Variants in AURKA observed in about 807,000 individuals in gnomAD.
The protein encoded by AURKA is aurora kinase A, also known as aurora 2.
AURKA carries 12 observed loss-of-function variants against 40.9 expected under a neutral mutation model. That is an observed-to-expected ratio of 0.29 (90% CI 0.19 to 0.48). The LOEUF (loss-of-function observed/expected upper bound fraction) is 0.48, where lower values mean the gene tolerates loss of function less well. Among genes scored for constraint, AURKA ranks in the 20% least tolerant of loss-of-function variants. The pLI is 0.99. For synonymous variants in AURKA, 170 were observed against 164.3 expected, an observed-to-expected ratio of 1.03 and a Z score of -0.26; for missense variants, 322 against 462.1, an observed-to-expected ratio of 0.70 and a Z score of 2.78.
chr20:56,388,418 C>T (rs1986647304), intron 1 of AURKA: 7 of 594,396 alleles, frequency 1.2e-5, no homozygotes, highest in Admixed American at 2.9e-5. Flanking sequence ...TCCTCTGTCA[C>T]GGAGTCTTCA....
rs1266324570 is a variant in AURKA at position 56,372,044 on chromosome 20, G to GT, written c.854+1363dup. 1.3e-4 allele frequency among the ~76,000 whole-genome samples: 20 copies of GT among 152,288 alleles called. 2 individuals are homozygous for GT. The highest frequency in any genetic ancestry group is 1.0e-3 in the Admixed American group (16 of 15,296). The stretch of plus-strand genomic sequence containing the variant: ...CAATTCCGCATTTTTATCGGTTTAG[G>GT]TTTTTTTAACGAAGGTTGGAAAAAA... On this transcript the variant is annotated intron_variant, in intron 7 of 8. Transcript: ENST00000395915.
intron 3 of AURKA, among the ~76,000 whole-genome samples, chr20:56,384,547 C>T (rs544457771): frequency 6.6e-6 from 1 of 151,774 alleles, no homozygotes; most frequent in Non-Finnish European, 1.5e-5. Flanking sequence ...GATGAGCAGA[C>T]GTATATATAG....
chr20:56,369,571 G>A lies in AURKA; in HGVS notation c.*587C>T, dbSNP rs1041953129. 2.0e-5 allele frequency: 5 copies of A among 254,122 alleles called. No individual in the cohort carries two copies. Among genetic ancestry groups the A allele is most frequent in the South Asian group, 1.2e-4 (1 of 8,156 alleles). The allele number at this position is 254,122 out of a possible 1,614,324, so 15.7% of individuals were successfully genotyped here. Reference sequence around the variant, plus strand: ...TCACACTCTCATATGGGAGATAAGTGGTTAAGGAGGACTAGAAACCCAATC... The same window carrying A: ...TCACACTCTCATATGGGAGATAAGTAGTTAAGGAGGACTAGAAACCCAATC... On this transcript the variant is annotated 3_prime_UTR_variant, in exon 9 of 9. Coordinates refer to ENST00000395915, the MANE Select transcript of AURKA (RefSeq NM_198437.3).
Position 56,373,301 on chromosome 20 carries a change from AC to A in AURKA, c.854+106del. ...CAAAGTACTTCTGGGTTAGCCACCT[AC>A]CCCTCTTACAGCACAAAATCTACAC... is the stretch of plus-strand genomic sequence containing the variant. On this transcript the variant is annotated intron_variant, in intron 7 of 8. Transcript: ENST00000395915. The surrounding 1 kb of genome is among the most constrained non-coding windows in gnomAD (Gnocchi z 5.0). The A allele has an allele frequency of 6.7e-7, 1 of 1,501,684 alleles. No individual in the cohort carries two copies. The highest frequency in any genetic ancestry group is 1.1e-5 in the South Asian group (1 of 87,934). 93.0% of individuals were successfully genotyped at this position (1,501,684 alleles called of 1,614,324 possible). A position where few individuals can be genotyped will look rare whatever the true frequency, so the allele number is the denominator to read the frequency against.
intron 6 of AURKA, among the ~76,000 whole-genome samples, chr20:56,380,497 G>A (rs572305032): frequency 5.7e-4 from 86 of 152,020 alleles, no homozygotes; most frequent in Middle Eastern, 6.8e-3. Context: ...ATAAATAAAT[G>A]ATTAAATAAA....
At position 56,386,245 on chromosome 20, in the gene AURKA, A is replaced by G; in HGVS notation, c.319+12T>C. 3 of 1,614,204 alleles carry G rather than the reference A, an allele frequency of 1.9e-6. No individual in the cohort carries two copies. The highest frequency in any genetic ancestry group is 2.5e-6 in the Non-Finnish European group (3 of 1,180,032). The stretch of plus-strand genomic sequence containing the variant: ...AGAAGGACTATCCAATGAGTCTCAA[A>G]AGCTAGTTTACCAGGTGCCGATGGC... On this transcript the variant is annotated intron_variant, in intron 3 of 8. Coordinates refer to ENST00000395915, the MANE Select transcript of AURKA (RefSeq NM_198437.3).
Position 56,388,808 on chromosome 20 carries a change from G to A in AURKA, c.-5-606C>T, listed in dbSNP as rs118032021. The A allele has an allele frequency of 5.8e-3, 900 of 153,868 alleles. 4 individuals are homozygous for A. The highest frequency in any genetic ancestry group is 9.1e-3 in the Non-Finnish European group (630 of 69,092). The allele number at this position is 153,868 out of a possible 1,614,324, so 9.5% of individuals were successfully genotyped here. On this transcript the variant is annotated intron_variant, in intron 1 of 8. Coordinates refer to ENST00000395915, the MANE Select transcript of AURKA (RefSeq NM_198437.3). ...GCCTATGGGAAAAGAGCGAGACTTC[G>A]TCTCAAAACAATAAAATAAAATAAA...
chr20:56,374,090 A>G (rs1266246545), intron 6 of AURKA, among the ~76,000 whole-genome samples: 1 of 152,128 alleles, frequency 6.6e-6, no homozygotes, highest in Non-Finnish European at 1.5e-5. Context: ...ATGAAGTGAA[A>G]TTACCCAATG....
chr20:56,383,534 C>T (rs928627925), intron 4 of AURKA, among the ~76,000 whole-genome samples: 2 of 152,220 alleles, frequency 1.3e-5, no homozygotes, highest in African/African-American at 4.8e-5. Flanking sequence ...GCTTCCAGAC[C>T]ATCTGGGGGC....
chr20:56,382,910 G>T, intron 5 of AURKA, 75 bp downstream of exon 5: 1 of 1,536,210 alleles, frequency 6.5e-7, no homozygotes, highest in Non-Finnish European at 9.0e-7. Flanking sequence ...CTGGGCAGTG[G>T]GAGGCTGACA....
At chr20:56,382,953 A>G in intron 5 of AURKA, 32 bp downstream of exon 5, 1 of 1,611,076 alleles carries the variant, frequency 6.2e-7, no homozygotes. Flanking sequence ...GCATTGGTGA[A>G]CATTCTTTTG....
chr20:56,378,167 A>G (rs916211476), intron 6 of AURKA, among the ~76,000 whole-genome samples: 1 of 152,170 alleles, frequency 6.6e-6, no homozygotes, highest in African/African-American at 2.4e-5. Flanking sequence ...AAACAAACAA[A>G]CAAAAATCCA....
At chr20:56,384,679 G>A (rs746541025) in intron 3 of AURKA, among the ~76,000 whole-genome samples, 3 of 152,014 alleles carry the variant, frequency 2.0e-5, no homozygotes, top group Admixed American at 1.3e-4. Flanking sequence ...CTGCCAACTC[G>A]TCACCTTTTT....
chr20:56,373,404 A>G lies in AURKA; in HGVS notation c.854+4T>C, dbSNP rs1368276426. The G allele has an allele frequency of 1.9e-6, 3 of 1,613,160 alleles. No individual in the cohort carries two copies. Among genetic ancestry groups the G allele is most frequent in the Admixed American group, 1.7e-5 (1 of 60,012 alleles). On this transcript the variant is annotated splice_donor_region_variant and intron_variant, in intron 7 of 8. Coordinates refer to ENST00000395915, the MANE Select transcript of AURKA (RefSeq NM_198437.3). The surrounding 1 kb of genome is among the most constrained non-coding windows in gnomAD (Gnocchi z 5.0). The stretch of plus-strand genomic sequence containing the variant: ...AAACAACTTCCACCTCTAAAGTTAC[A>G]TACCTGGAAGATGGAGCATGTACTG...
In AURKA at chr20:56,369,803, G is replaced by C. The variant is rs903910548; in HGVS notation, c.*355C>G. The stretch of plus-strand genomic sequence containing the variant: ...TTATTGCACAGCTCCTTAACTGATC[G>C]GGGTCAGGGCAGAGTGGTCACTTTC... On this transcript the variant is annotated 3_prime_UTR_variant, in exon 9 of 9. Coordinates refer to ENST00000395915, the MANE Select transcript of AURKA (RefSeq NM_198437.3). 1 of 462,144 alleles carries C rather than the reference G, an allele frequency of 2.2e-6. No individual in the cohort carries two copies. Among genetic ancestry groups the C allele is most frequent in the African/African-American group, 1.9e-5 (1 of 51,512 alleles). 28.6% of individuals were successfully genotyped at this position (462,144 alleles called of 1,614,324 possible).
chr20:56,376,760 T>G (rs1984978092), intron 6 of AURKA, among the ~76,000 whole-genome samples: 1 of 152,150 alleles, frequency 6.6e-6, no homozygotes, highest in Admixed American at 6.6e-5. Context: ...AAGAAAAAAC[T>G]GACACATTTG....
chr20:56,382,924 C>A, intron 5 of AURKA, 61 bp downstream of exon 5: 1 of 1,585,868 alleles, frequency 6.3e-7, no homozygotes, highest in Non-Finnish European at 8.6e-7. Flanking sequence ...GCTGACATTA[C>A]AGGAGGGGGA....
At chr20:56,383,982 T>C (rs756589719) in intron 4 of AURKA, among the ~76,000 whole-genome samples, 12 of 152,248 alleles carry the variant, frequency 7.9e-5, no homozygotes, top group Admixed American at 1.3e-4. Flanking sequence ...AAACCATATG[T>C]AGTGGTTATT....
At chr20:56,371,658 G>GTCCAACCACAGAGACAA (rs1569041015) in intron 7 of AURKA, among the ~76,000 whole-genome samples, 16 of 148,936 alleles carry the variant, frequency 1.1e-4, no homozygotes, top group African/African-American at 4.1e-4. Flanking sequence ...CACAGAGACA[G>GTCCAACCACAGAGACAA]TCCAACCACA....
Sources: allele counts gnomAD v4.1 joint callset (sites outside exome capture counted in the v4.1 genomes callset), GRCh38; gene constraint gnomAD v4.1.1; non-coding constraint Gnocchi (gnomAD v3.1); transcripts MANE v1.5; gene names NCBI Gene and HGNC (gene_info 2026-07-23, HGNC 2026-07-21).